Variants in MOCS1 observed in about 807,000 individuals in gnomAD.
MOCS1 encodes the protein molybdenum cofactor biosynthesis protein 1.
In MOCS1, 39 loss-of-function variants were observed where a neutral mutation model predicts 57.6. The observed-to-expected ratio is 0.68, with a 90% CI of 0.52 to 0.88. The LOEUF (loss-of-function observed/expected upper bound fraction) is 0.88, where lower values mean the gene tolerates loss of function less well. Ranked by LOEUF, MOCS1 falls within the 40% of genes least tolerant of loss-of-function variation. The pLI, the probability that MOCS1 is intolerant of heterozygous loss-of-function variation, is 0.00. For synonymous variants in MOCS1, 334 were observed against 335.7 expected, an observed-to-expected ratio of 1.00 and a Z score of 0.05; for missense variants, 795 against 831.1, an observed-to-expected ratio of 0.96 and a Z score of 0.53.
intron 1 of MOCS1, among the ~76,000 whole-genome samples, chr6:39,933,698 G>C (rs1190731629): frequency 6.6e-6 from 1 of 152,102 alleles, no homozygotes; most frequent in African/African-American, 2.4e-5. Flanking sequence ...TAAAGACAGA[G>C]GAATTAATTT....
At position 39,927,324 on chromosome 6, in the gene MOCS1, C is replaced by T. The variant is rs1179489188; in HGVS notation, c.250+5G>A. The T allele has an allele frequency of 6.2e-7, 1 of 1,609,824 alleles. No individual in the cohort carries two copies. Among genetic ancestry groups the T allele is most frequent in the Non-Finnish European group, 8.5e-7 (1 of 1,178,170 alleles). ...GCCCAGAGAGGGCCCAGGAAGGTGACTCACATCTGAGGTTGCACTTCTCTG... is the reference window on the plus strand; with the variant it reads ...GCCCAGAGAGGGCCCAGGAAGGTGATTCACATCTGAGGTTGCACTTCTCTG... On this transcript the variant is annotated splice_donor_5th_base_variant and intron_variant, in intron 2 of 10. Coordinates refer to ENST00000340692, the MANE Select transcript of MOCS1 (RefSeq NM_001358530.2).
chr6:39,904,962 C>CAAT lies in MOCS1; in HGVS notation c.*1392_*1394dup. On this transcript the variant is annotated 3_prime_UTR_variant, in exon 11 of 11. Transcript: ENST00000340692. ...CAGCTTGTACCAGCTCTGTGAGAAC[C>CAAT]AATTGTTTACATTTTCAGAAATTTT... 2.2e-6 allele frequency: 1 copy of CAAT among 453,780 alleles called. No homozygotes were observed. Among genetic ancestry groups the CAAT allele is most frequent in the Non-Finnish European group, 4.4e-6 (1 of 226,790 alleles). 28.1% of individuals were successfully genotyped at this position (453,780 alleles called of 1,614,324 possible).
intron 3 of MOCS1, among the ~76,000 whole-genome samples, chr6:39,923,915 A>G (rs1768120546): frequency 6.6e-6 from 1 of 152,216 alleles, no homozygotes; most frequent in Admixed American, 6.5e-5. Flanking sequence ...TGCTCAGCAC[A>G]GTAGGAGGCA....
Position 39,927,677 on chromosome 6 carries a change from T to G in MOCS1, c.124-222A>C, listed in dbSNP as rs1047140667. On this transcript the variant is annotated intron_variant, in intron 1 of 10. Transcript: ENST00000340692. ...ACCCCTTAAGTATTCAGCTTGGGGG[T>G]CGGGGGCGGATGGTGATCTCTACTG... 3 of 1,550,852 alleles carry G rather than the reference T, an allele frequency of 1.9e-6. No homozygotes were observed. The Admixed American group carries it at 5.5e-5, about 29-fold the overall frequency.
chr6:39,930,616 A>T (rs1169651735), intron 1 of MOCS1, among the ~76,000 whole-genome samples: 1 of 152,196 alleles, frequency 6.6e-6, no homozygotes. Flanking sequence ...GCCCATCAAA[A>T]TCACTCAAGG....
rs140080318 is a variant in MOCS1, at chr6:39,925,669, C to A, written c.418+9G>T. The A allele has an allele frequency of 4.3e-6, 7 of 1,612,808 alleles. No individual in the cohort carries two copies. In the African/African-American group the frequency reaches 9.3e-5, roughly 21 times the overall value. ...TGGGAGAAGTGGCGATGACTTTCGT[C>A]CAACTCACCCACAATGTCCACCACG... On this transcript the variant is annotated intron_variant, in intron 3 of 10. Transcript: ENST00000340692.
chr6:39,913,664 A>T, intron 5 of MOCS1, 110 bp downstream of exon 5: 1 of 1,270,490 alleles, frequency 7.9e-7, no homozygotes, highest in Non-Finnish European at 1.2e-6. Context: ...CACGTACTTC[A>T]GCCATGCTGG....
chr6:39,933,694 C>T (rs1768760207), intron 1 of MOCS1, among the ~76,000 whole-genome samples: 1 of 152,122 alleles, frequency 6.6e-6, no homozygotes, highest in African/African-American at 2.4e-5. Flanking sequence ...ACCCTAAAGA[C>T]AGAGGAATTA....
Position 39,906,213 on chromosome 6 carries a change from T to C in MOCS1, c.*144A>G. ...ATCATCTAGCAGCAGGCCTGTTTGT[T>C]AGTAGTAGAGCAGGCTGACTTCGGG... On this transcript the variant is annotated 3_prime_UTR_variant, in exon 11 of 11. Transcript: ENST00000340692. The C allele has an allele frequency of 1.0e-6, 1 of 992,438 alleles. No homozygotes were observed. Among genetic ancestry groups the C allele is most frequent in the Non-Finnish European group, 1.6e-6 (1 of 626,544 alleles). The allele number at this position is 992,438 out of a possible 1,614,324, so 61.5% of individuals were successfully genotyped here.
rs1414056348 is a variant in MOCS1, at chr6:39,905,844, G to T, written c.*513C>A. The T allele has an allele frequency of 2.1e-6, 1 of 470,902 alleles. No individual in the cohort carries two copies. Among genetic ancestry groups the T allele is most frequent in the Admixed American group, 2.3e-5 (1 of 42,590 alleles). The allele number at this position is 470,902 out of a possible 1,614,324, so 29.2% of individuals were successfully genotyped here. On this transcript the variant is annotated 3_prime_UTR_variant, in exon 11 of 11. Transcript: ENST00000340692. ...TCAGGACAGGACAGGACAGGGCAGG[G>T]CTGCGGCTTCACAGACTTAGGGAGG...
chr6:39,934,263 G>A, intron 1 of MOCS1, 32 bp downstream of exon 1: 2 of 1,520,008 alleles, frequency 1.3e-6, no homozygotes, highest in Non-Finnish European at 1.8e-6. Context: ...TCCTGCCCCG[G>A]GAAGCTGTGG....
intron 10 of MOCS1, 31 bp downstream of exon 10, chr6:39,909,024 G>A (rs954309420): frequency 6.2e-7 from 1 of 1,605,850 alleles, no homozygotes; most frequent in Non-Finnish European, 8.5e-7. Flanking sequence ...AATGACAAGG[G>A]TGAGTGGTTA....
chr6:39,934,394 C>G lies in MOCS1; in HGVS notation c.24G>C (p.Arg8=). 1 of 1,564,846 alleles carries G rather than the reference C, an allele frequency of 6.4e-7. No homozygotes were observed. Among genetic ancestry groups the G allele is most frequent in the South Asian group, 1.2e-5 (1 of 85,800 alleles). Residue 8 remains arginine (R), a synonymous_variant, in exon 1 of 11, where the codon CGG becomes CGC. Coordinates refer to ENST00000340692, the MANE Select transcript of MOCS1 (RefSeq NM_001358530.2). MAARPLS[R]MLRRLLRSSA... is the part of the protein sequence containing the mutation. ...TGGACCTCAGAAGCCGCCGCAGCATCCGGGACAGTGGCCGCGCCGCCATGA... is the reference window on the plus strand; with the variant it reads ...TGGACCTCAGAAGCCGCCGCAGCATGCGGGACAGTGGCCGCGCCGCCATGA...
At chr6:39,913,281 C>T (rs1432260143) in intron 6 of MOCS1, 36 bp downstream of exon 6, 1 of 1,585,902 alleles carries the variant, frequency 6.3e-7, no homozygotes, top group Admixed American at 1.7e-5. Context: ...GGCCCAACCC[C>T]TTCTTCCCTC....
At chr6:39,927,922 T>C (rs1031722644) in intron 1 of MOCS1, among the ~76,000 whole-genome samples, 1 of 152,090 alleles carries the variant, frequency 6.6e-6, no homozygotes. Flanking sequence ...AAGTCTGATC[T>C]AGTCTGATCC....
rs1361696399 is a variant in MOCS1 at position 39,906,423 on chromosome 6, G to A, written c.1845C>T (p.Ile615=). 2 of 1,605,786 alleles carry A rather than the reference G, an allele frequency of 1.2e-6. No homozygotes were observed. The highest frequency in any genetic ancestry group is 2.2e-5 in the East Asian group (1 of 44,644). The change falls in exon 11 of 11, where the codon ATC becomes ATT. Residue 615 remains isoleucine (I), a synonymous_variant. Transcript: ENST00000340692. ...TAATGAGCTTGATCTCCTCCAACAC[G>A]ATGTCCCTGCTGACAGCCTTGCACA... ...YDMCKAVSRD[I]VLEEIKLISK...
At chr6:39,927,258 C>T in intron 2 of MOCS1, 71 bp downstream of exon 2, 6 of 1,567,280 alleles carry the variant, frequency 3.8e-6, no homozygotes, top group Non-Finnish European at 4.4e-6. Flanking sequence ...GATTTCCAGG[C>T]ACAGGGAAAT....
chr6:39,930,880 A>G (rs1768609142), intron 1 of MOCS1, among the ~76,000 whole-genome samples: 1 of 152,214 alleles, frequency 6.6e-6, no homozygotes, highest in African/African-American at 2.4e-5. Flanking sequence ...TAGTTTCCTC[A>G]TCTATGCAGT....
intron 7 of MOCS1, 56 bp from the exon 8 acceptor site, chr6:39,912,430 C>A: frequency 8.2e-7 from 1 of 1,216,920 alleles, no homozygotes; most frequent in Non-Finnish European, 1.2e-6. Context: ...CTACTGAGCC[C>A]AGTTTCTCAC....
Sources: gnomAD v4.1 joint callset for allele counts (sites outside exome capture counted in the v4.1 genomes callset) on GRCh38, gnomAD v4.1.1 for gene constraint, MANE v1.5 for transcripts, NCBI Gene and HGNC (gene_info 2026-07-23, HGNC 2026-07-21) for gene names.